Variants in LMLN observed in about 807,000 individuals in gnomAD.
The protein encoded by LMLN is leishmanolysin like peptidase.
LMLN carries 70 observed loss-of-function variants against 92.3 expected under a neutral mutation model. The observed-to-expected ratio is 0.76, with a 90% CI of 0.63 to 0.92. The LOEUF is 0.92. Among genes scored for constraint, LMLN ranks in the 40% least tolerant of loss-of-function variants. The pLI is 0.00. For missense variants in LMLN, 691 were observed against 814.6 expected (o/e 0.85, Z 1.85); for synonymous variants, 308 against 296.2 (o/e 1.04, Z -0.41).
chr3:198,001,610 C>T (rs1722174310), intron 11 of LMLN, among the ~76,000 whole-genome samples: 1 of 152,192 alleles, frequency 6.6e-6, no homozygotes, highest in South Asian at 2.1e-4. Flanking sequence ...AGTAACGTAA[C>T]TCACATTGTA....
chr3:198,013,844 C>T (rs1285966621), intron 11 of LMLN, among the ~76,000 whole-genome samples: 2 of 140,944 alleles, frequency 1.4e-5, no homozygotes, highest in East Asian at 2.0e-4. Flanking sequence ...CCCTTCAGAG[C>T]CCCTTAACTA....
At position 198,042,093 on chromosome 3, in the gene LMLN, T is replaced by G. The variant is rs1367557504; in HGVS notation, c.*3426T>G. On this transcript the variant is annotated 3_prime_UTR_variant, in exon 16 of 16. Transcript: ENST00000330198. The surrounding 1 kb of genome is among the most constrained non-coding windows in gnomAD (Gnocchi z 4.2). ...GGATAAAGTCTTGAGTTCCTCAGGGTAACTGTGTTGATGTCTCCCGTCCTC... is the reference window on the plus strand; with the variant it reads ...GGATAAAGTCTTGAGTTCCTCAGGGGAACTGTGTTGATGTCTCCCGTCCTC... 6.6e-6 allele frequency: 1 copy of G among 152,156 alleles called. No homozygotes were observed. Among genetic ancestry groups the G allele is most frequent in the African/African-American group, 2.4e-5 (1 of 41,428 alleles). 9.4% of individuals were successfully genotyped at this position (152,156 alleles called of 1,614,324 possible).
At chr3:197,991,593 C>G (rs1234584364) in intron 9 of LMLN, among the ~76,000 whole-genome samples, 1 of 152,110 alleles carries the variant, frequency 6.6e-6, no homozygotes, top group Non-Finnish European at 1.5e-5. Flanking sequence ...TGGGTGATGC[C>G]TACCCACATT....
At chr3:198,000,586 C>A (rs931840022) in intron 11 of LMLN, among the ~76,000 whole-genome samples, 1 of 152,130 alleles carries the variant, frequency 6.6e-6, no homozygotes, top group Non-Finnish European at 1.5e-5. Context: ...CATCACCACA[C>A]CCAGCTAATT....
chr3:197,985,942 C>A, intron 8 of LMLN, 52 bp downstream of exon 8: 1 of 1,109,708 alleles, frequency 9.0e-7, no homozygotes, highest in Non-Finnish European at 1.4e-6. Flanking sequence ...GGTGCTAAGA[C>A]TAGAATCTGA....
intron 11 of LMLN, among the ~76,000 whole-genome samples, chr3:198,008,816 C>A (rs1296079245): frequency 6.6e-6 from 1 of 152,112 alleles, no homozygotes; most frequent in East Asian, 1.9e-4. Context: ...AAATATTTTT[C>A]TCTTTTAATT....
At chr3:197,982,564 A>T (rs1031153922) in intron 6 of LMLN, among the ~76,000 whole-genome samples, 23 of 152,268 alleles carry the variant, frequency 1.5e-4, no homozygotes, top group East Asian at 3.9e-4. Flanking sequence ...ACCTTCCTTC[A>T]CAATTGCTAT....
chr3:197,961,316 A>G (rs763166389), intron 1 of LMLN, among the ~76,000 whole-genome samples: 17 of 152,156 alleles, frequency 1.1e-4, no homozygotes, highest in Non-Finnish European at 2.4e-4. Context: ...ATATTCTTTG[A>G]GAAAGGGAGA....
chr3:198,005,679 G>C (rs1169937857), intron 11 of LMLN, among the ~76,000 whole-genome samples: 1 of 147,970 alleles, frequency 6.8e-6, no homozygotes, highest in Non-Finnish European at 1.5e-5. Flanking sequence ...CTGTTGCCCA[G>C]GCTGGAGTGC....
chr3:198,020,709 G>A (rs572612089), intron 12 of LMLN, among the ~76,000 whole-genome samples: 68 of 147,050 alleles, frequency 4.6e-4, no homozygotes, highest in African/African-American at 1.6e-3. Flanking sequence ...TTCTCCTGCC[G>A]CAGCTTCTCA....
intron 13 of LMLN, among the ~76,000 whole-genome samples, chr3:198,024,312 T>TTCA (rs765545449): frequency 6.7e-6 from 1 of 150,310 alleles, no homozygotes; most frequent in Non-Finnish European, 1.5e-5. Flanking sequence ...GCCTCCCGGG[T>TTCA]TCACGCCATT....
chr3:197,976,004 CTTT>C (rs763582344), intron 3 of LMLN, 22 bp from the exon 4 acceptor site: 2 of 1,084,300 alleles, frequency 1.8e-6, no homozygotes, highest in Non-Finnish European at 2.6e-6. Context: ...AATTCTGTTT[CTTT>C]TTTTTTTTAA....
In LMLN at chr3:198,019,812, C is replaced by T. The variant is rs1722732813; in HGVS notation, c.1365+427C>T. Among the ~76,000 whole-genome samples, 1 of 152,174 alleles carries T rather than the reference C, an allele frequency of 6.6e-6. No homozygotes were observed. The highest frequency in any genetic ancestry group is 2.1e-4 in the South Asian group (1 of 4,826). On this transcript the variant is annotated intron_variant, in intron 12 of 15. Transcript: ENST00000330198. This position sits in a 1 kb window ranked among gnomAD's most constrained non-coding sequence, Gnocchi z 5.5. ...GGATCTGAAAGATTAAGGAAATGGT[C>T]CCACATATCTTGTCTGGATCTCTGA... is the stretch of plus-strand genomic sequence containing the variant.
At chr3:198,013,689 T>C (rs1410159667) in intron 11 of LMLN, among the ~76,000 whole-genome samples, 7 of 123,140 alleles carry the variant, frequency 5.7e-5, no homozygotes, top group Admixed American at 1.5e-4. Flanking sequence ...CTCTCCACCC[T>C]TCAGAGCCCC....
intron 11 of LMLN, among the ~76,000 whole-genome samples, chr3:198,017,676 T>C (rs1560151926): frequency 1.3e-5 from 2 of 152,104 alleles, no homozygotes; most frequent in South Asian, 2.1e-4. Flanking sequence ...CCCAGCACTT[T>C]GGGAGGCAGA....
At chr3:198,035,432 G>C (rs1236508966) in intron 14 of LMLN, among the ~76,000 whole-genome samples, 1 of 137,988 alleles carries the variant, frequency 7.2e-6, no homozygotes, top group Non-Finnish European at 1.5e-5. Flanking sequence ...GCATGATCTC[G>C]GCTCACTGCA....
rs550415983 is a variant in LMLN, at chr3:197,983,858, C to T, written c.729-85C>T. On this transcript the variant is annotated intron_variant, in intron 6 of 15. Coordinates refer to ENST00000330198, the Ensembl canonical transcript of LMLN. ...GGATACTTTGCAAAGATTTTTCTGT[C>T]CTTGAGCAGTATTTGATGGAGAAGT... 911 of 872,004 alleles carry T rather than the reference C, an allele frequency of 1.0e-3. 4 individuals are homozygous for T. The highest frequency in any genetic ancestry group is 6.0e-4 in the Non-Finnish European group (329 of 543,868). 54.0% of individuals were successfully genotyped at this position (872,004 alleles called of 1,614,324 possible).
intron 13 of LMLN, among the ~76,000 whole-genome samples, 169 bp downstream of exon 14, chr3:198,021,774 T>G (rs1235892561): frequency 6.6e-6 from 1 of 152,238 alleles, no homozygotes; most frequent in Non-Finnish European, 1.5e-5. Context: ...TGCCTGTTTC[T>G]TCATCTGTAC....
exon 16 of LMLN, chr3:198,043,211 T>C (rs1723459042): frequency 6.6e-6 from 1 of 152,290 alleles, no homozygotes; most frequent in African/African-American, 2.4e-5. Context: ...CCAGCTCTAA[T>C]ACCCTCTGAC....
Sources: gnomAD v4.1 joint callset for allele counts (sites outside exome capture counted in the v4.1 genomes callset) on GRCh38, gnomAD v4.1.1 for gene constraint, Gnocchi (gnomAD v3.1) non-coding constraint, MANE v1.5 for transcripts, NCBI Gene and HGNC (gene_info 2026-07-23, HGNC 2026-07-21) for gene names.